The following OBI1 variants were observed in gnomAD, a reference collection of about 807,000 sequenced individuals.
The protein encoded by OBI1 is ring finger protein 219.
OBI1 carries 59 observed loss-of-function variants against 62.4 expected under a neutral mutation model. The observed-to-expected ratio is 0.95, with a 90% CI of 0.77 to 1.17. The LOEUF is 1.17. Ranked by LOEUF, OBI1 falls within the 50% of genes most tolerant of loss-of-function variation. The pLI is 0.00. For synonymous variants in OBI1, 302 were observed against 292.8 expected (o/e 1.03, Z -0.32); for missense variants, 875 against 830.9 (o/e 1.05, Z -0.65).
intron 1 of OBI1, among the ~76,000 whole-genome samples, chr13:78,650,618 C>A (rs1322884724): frequency 6.6e-6 from 1 of 152,124 alleles, no homozygotes; most frequent in Non-Finnish European, 1.5e-5. Context: ...CTTGGGTAAG[C>A]CCTTTAGCTA....
intron 1 of OBI1, among the ~76,000 whole-genome samples, chr13:78,656,412 G>A (rs1328773465): frequency 6.6e-6 from 1 of 151,842 alleles, no homozygotes; most frequent in Non-Finnish European, 1.5e-5. Context: ...GAGAAACCCC[G>A]TCTCTACCAA....
At chr13:78,644,161 T>C (rs931551207) in intron 2 of OBI1, among the ~76,000 whole-genome samples, 5 of 152,224 alleles carry the variant, frequency 3.3e-5, no homozygotes, top group Non-Finnish European at 5.9e-5. Flanking sequence ...ACTCACATCC[T>C]GTCTACTCCT....
In OBI1 at chr13:78,615,692, CAAG is replaced by C. The variant is rs1875246224; in HGVS notation, c.2066_2068del (p.Pro689_Trp690delinsArg). 1 of 1,613,820 alleles carries C rather than the reference CAAG, an allele frequency of 6.2e-7. No homozygotes were observed. Among genetic ancestry groups the C allele is most frequent in the African/African-American group, 1.3e-5 (1 of 74,964 alleles). The stretch of plus-strand genomic sequence containing the variant: ...CTTTTCAGGCACAAAGGAAGTAGAC[CAAG>C]GAGACTGAAGGTGGTTATGAAGACT... On this transcript the variant is annotated inframe_deletion, in exon 6 of 6. Transcript: ENST00000282003.
chr13:78,636,128 T>C (rs1319108721), intron 4 of OBI1, among the ~76,000 whole-genome samples: 4 of 152,188 alleles, frequency 2.6e-5, no homozygotes. Flanking sequence ...CTTCCAAGTA[T>C]GATTTTCTTT....
intron 1 of OBI1, among the ~76,000 whole-genome samples, chr13:78,657,286 C>T (rs1379537349): frequency 8.1e-6 from 1 of 123,428 alleles, no homozygotes; most frequent in Non-Finnish European, 1.7e-5. Flanking sequence ...TTAACCAATA[C>T]AGGAAAAAAA....
intron 1 of OBI1, among the ~76,000 whole-genome samples, chr13:78,653,106 G>A (rs1243670105): frequency 2.6e-5 from 4 of 152,190 alleles, no homozygotes; most frequent in African/African-American, 7.2e-5. Context: ...GCCTAAGGCT[G>A]TTGTTCATTA....
At chr13:78,647,459 T>C (rs1005255878) in intron 1 of OBI1, among the ~76,000 whole-genome samples, 2 of 152,352 alleles carry the variant, frequency 1.3e-5, no homozygotes, top group Admixed American at 1.3e-4. Context: ...GAAGCATAAA[T>C]CTGGCCTACG....
At chr13:78,639,135 A>C in intron 3 of OBI1, 64 bp from the exon 4 acceptor site, 2 of 1,475,828 alleles carry the variant, frequency 1.4e-6, no homozygotes, top group Non-Finnish European at 1.8e-6. Context: ...ACATATGCTA[A>C]ACTGAAGCCA....
chr13:78,644,417 T>C (rs566963167), intron 2 of OBI1, among the ~76,000 whole-genome samples: 2 of 152,212 alleles, frequency 1.3e-5, no homozygotes, highest in African/African-American at 4.8e-5. Context: ...TTTTCCTGTA[T>C]CTAAACTTTT....
intron 1 of OBI1, among the ~76,000 whole-genome samples, chr13:78,651,981 C>T (rs984586052): frequency 2.1e-4 from 32 of 152,126 alleles, no homozygotes; most frequent in Non-Finnish European, 3.7e-4. Context: ...GTTTAACCTC[C>T]CCATTTAATA....
chr13:78,642,046 G>C (rs1876231948), intron 3 of OBI1, 76 bp downstream of exon 3: 9 of 708,862 alleles, frequency 1.3e-5, no homozygotes, highest in Admixed American at 2.1e-5. Flanking sequence ...ACTCTAAGAA[G>C]TCTGGGGACT....
chr13:78,632,905 A>C (rs977252507), intron 5 of OBI1, among the ~76,000 whole-genome samples: 5 of 152,168 alleles, frequency 3.3e-5, no homozygotes, highest in African/African-American at 9.6e-5. Flanking sequence ...AAAAATCCTA[A>C]AGTTATATTG....
At chr13:78,623,255 C>A in intron 5 of OBI1, among the ~76,000 whole-genome samples, 2 of 138,816 alleles carry the variant, frequency 1.4e-5, no homozygotes, top group African/African-American at 2.8e-5. Flanking sequence ...ATGAGATATA[C>A]TGAAAGAGAA....
At chr13:78,633,696 CTCTT>C (rs1875925574) in intron 5 of OBI1, among the ~76,000 whole-genome samples, 1 of 152,156 alleles carries the variant, frequency 6.6e-6, no homozygotes. Flanking sequence ...TAAATCCCAA[CTCTT>C]TCTTAAAATA....
At chr13:78,641,314 A>G (rs1326398995) in intron 3 of OBI1, among the ~76,000 whole-genome samples, 2 of 152,224 alleles carry the variant, frequency 1.3e-5, no homozygotes, top group Non-Finnish European at 2.9e-5. Context: ...GCAAATTCAT[A>G]TATGTAAGGA....
intron 1 of OBI1, among the ~76,000 whole-genome samples, chr13:78,658,408 C>G (rs1011322889): frequency 1.3e-5 from 2 of 152,184 alleles, no homozygotes; most frequent in African/African-American, 4.8e-5. Flanking sequence ...CCTCTTGCAT[C>G]ACAAAGAGAG....
intron 3 of OBI1, among the ~76,000 whole-genome samples, chr13:78,641,450 G>T (rs1876213083): frequency 6.6e-6 from 1 of 151,940 alleles, no homozygotes; most frequent in Non-Finnish European, 1.5e-5. Flanking sequence ...GAGTCAAGAG[G>T]GGATCGATAT....
intron 4 of OBI1, among the ~76,000 whole-genome samples, chr13:78,635,826 G>A (rs1034705015): frequency 6.6e-6 from 1 of 152,158 alleles, no homozygotes; most frequent in Non-Finnish European, 1.5e-5. Context: ...GTAGTGGTGT[G>A]ATCTTGGCTC....
At position 78,644,950 on chromosome 13, in the gene OBI1, A is replaced by T; in HGVS notation, c.120T>A (p.Ile40=). The change falls in exon 2 of 6, where the codon ATT becomes ATA. Residue 40 remains isoleucine, a synonymous_variant. Transcript: ENST00000282003. The part of the protein sequence containing the change: ...ICINNHVFCS[I]CIDLWLKNNS... Reference sequence around the variant, plus strand: ...TATTCTTCAACCACAAATCAATACAAATCGAACAAAATACATGGTTGTTGA... The same window carrying T: ...TATTCTTCAACCACAAATCAATACATATCGAACAAAATACATGGTTGTTGA... The T allele has an allele frequency of 6.2e-7, 1 of 1,613,902 alleles. No individual in the cohort carries two copies. The highest frequency in any genetic ancestry group is 8.5e-7 in the Non-Finnish European group (1 of 1,179,856).
Sources: allele counts gnomAD v4.1 joint callset (sites outside exome capture counted in the v4.1 genomes callset), GRCh38; gene constraint gnomAD v4.1.1; transcripts MANE v1.5; gene names NCBI Gene and HGNC (gene_info 2026-07-23, HGNC 2026-07-21).